The following RSU1 variants were observed in gnomAD, a reference collection of about 807,000 sequenced individuals.
RSU1 encodes Ras suppressor protein 1.
A neutral mutation model predicts 31.1 loss-of-function variants in RSU1; 26 were observed. The observed-to-expected ratio is 0.84, with a 90% confidence interval of 0.61 to 1.16. The LOEUF is 1.16. Among genes scored for constraint, RSU1 ranks in the 50% most tolerant of loss-of-function variants. The pLI is 0.00. For synonymous variants in RSU1, 164 were observed against 136.3 expected, an observed-to-expected ratio of 1.20 and a Z score of -1.41; for missense variants, 320 against 339.1, an observed-to-expected ratio of 0.94 and a Z score of 0.44.
intron 3 of RSU1, among the ~76,000 whole-genome samples, chr10:16,768,796 T>C (rs1837369549): frequency 1.3e-5 from 2 of 152,046 alleles, no homozygotes; most frequent in African/African-American, 4.8e-5. Context: ...AGCACTCCCA[T>C]CTCCCCCAGC....
chr10:16,671,368 G>A (rs1835101966), intron 8 of RSU1, among the ~76,000 whole-genome samples: 1 of 152,124 alleles, frequency 6.6e-6, no homozygotes, highest in Non-Finnish European at 1.5e-5. Context: ...TTTCTGGATT[G>A]TTAAGATGTT....
At chr10:16,720,600 T>C (rs1202611843) in intron 7 of RSU1, among the ~76,000 whole-genome samples, 1 of 152,252 alleles carries the variant, frequency 6.6e-6, no homozygotes, top group Non-Finnish European at 1.5e-5. Context: ...GTTTCTCATA[T>C]AAATAAGTAT....
chr10:16,802,605 G>C (rs984071896), intron 2 of RSU1, among the ~76,000 whole-genome samples: 3 of 152,058 alleles, frequency 2.0e-5, no homozygotes, highest in African/African-American at 7.2e-5. Context: ...AGAAACTACA[G>C]ACCAATCTCT....
At chr10:16,750,634 T>C in intron 7 of RSU1, among the ~76,000 whole-genome samples, 1 of 152,108 alleles carries the variant, frequency 6.6e-6, no homozygotes, top group Non-Finnish European at 1.5e-5. Context: ...TAAGATCAAA[T>C]GACATCAAAA....
chr10:16,594,134 G>A (rs576236472), intron 8 of RSU1, among the ~76,000 whole-genome samples: 1 of 152,330 alleles, frequency 6.6e-6, no homozygotes, highest in Admixed American at 6.5e-5. Context: ...GAGTAATTCT[G>A]ATTAAACCAA....
chr10:16,739,195 AGAAT>A (rs1836700275), intron 7 of RSU1, among the ~76,000 whole-genome samples: 1 of 152,198 alleles, frequency 6.6e-6, no homozygotes. Flanking sequence ...TCTTCATAGT[AGAAT>A]GAATTATAAT....
intron 7 of RSU1, among the ~76,000 whole-genome samples, chr10:16,697,975 G>T (rs1429243398): frequency 7.1e-6 from 1 of 141,156 alleles, no homozygotes; most frequent in Non-Finnish European, 1.5e-5. Flanking sequence ...AGGGGTGATT[G>T]CAGGAACACA....
chr10:16,811,563 C>T (rs1413499510), intron 2 of RSU1, among the ~76,000 whole-genome samples: 1 of 152,208 alleles, frequency 6.6e-6, no homozygotes, highest in African/African-American at 2.4e-5. Flanking sequence ...ACCAGGGCCA[C>T]TAGAGCCAGA....
chr10:16,816,651 AC>A (rs1838538831), intron 2 of RSU1, among the ~76,000 whole-genome samples: 1 of 152,230 alleles, frequency 6.6e-6, no homozygotes, highest in Non-Finnish European at 1.5e-5. Context: ...AGGAAGAAGG[AC>A]TCAAAATTAA....
chr10:16,741,425 C>A (rs190627126), intron 7 of RSU1, among the ~76,000 whole-genome samples: 115 of 152,220 alleles, frequency 7.6e-4, no homozygotes, highest in African/African-American at 2.6e-3. Flanking sequence ...TTTGAGGTAA[C>A]AAACGATGTT....
chr10:16,786,010 T>A (rs182828917), intron 2 of RSU1, among the ~76,000 whole-genome samples: 3 of 152,262 alleles, frequency 2.0e-5, no homozygotes, highest in Admixed American at 6.5e-5. Context: ...TGGAGACATT[T>A]TGGATTGTAA....
intron 2 of RSU1, among the ~76,000 whole-genome samples, chr10:16,797,943 C>T (rs2131667977): frequency 6.9e-6 from 1 of 144,806 alleles, no homozygotes; most frequent in Admixed American, 7.3e-5. Context: ...CTCACTGTAA[C>T]CTCCGCCTCT....
At chr10:16,759,702 A>C (rs1564347255) in intron 4 of RSU1, among the ~76,000 whole-genome samples, 1 of 152,184 alleles carries the variant, frequency 6.6e-6, no homozygotes, top group Non-Finnish European at 1.5e-5. Context: ...AAGCCACATC[A>C]ACCTATGTGG....
chr10:16,760,433 C>G (rs1837184852), intron 4 of RSU1, among the ~76,000 whole-genome samples: 1 of 150,504 alleles, frequency 6.6e-6, no homozygotes, highest in Non-Finnish European at 1.5e-5. Flanking sequence ...CGTTTGAACC[C>G]AGGAGGTGGA....
intron 7 of RSU1, among the ~76,000 whole-genome samples, chr10:16,746,664 AC>A (rs1326853853): frequency 2.2e-4 from 16 of 73,688 alleles, no homozygotes; most frequent in Non-Finnish European, 4.1e-4. Flanking sequence ...CTCCCAAATC[AC>A]TTTTTTTTTT....
intron 2 of RSU1, among the ~76,000 whole-genome samples, chr10:16,798,522 C>A (rs1192467080): frequency 6.6e-6 from 1 of 152,146 alleles, no homozygotes; most frequent in Non-Finnish European, 1.5e-5. Context: ...CTTCGCTCAG[C>A]ACTTCTCCAT....
chr10:16,604,127 G>T (rs774071185), intron 8 of RSU1, among the ~76,000 whole-genome samples: 1 of 152,190 alleles, frequency 6.6e-6, no homozygotes, highest in African/African-American at 2.4e-5. Context: ...ACTAGCTGGG[G>T]ATGACTCTGG....
chr10:16,746,662 T>A (rs1836861488), intron 7 of RSU1, among the ~76,000 whole-genome samples: 1 of 115,430 alleles, frequency 8.7e-6, no homozygotes, highest in African/African-American at 3.4e-5. Flanking sequence ...AGCTCCCAAA[T>A]CACTTTTTTT....
chr10:16,666,606 A>G (rs180920007), intron 8 of RSU1, among the ~76,000 whole-genome samples: 203 of 152,248 alleles, frequency 1.3e-3, no homozygotes, highest in African/African-American at 4.7e-3. Context: ...AACTATTATA[A>G]CAAGTTTGTG....
Sources: gnomAD v4.1 joint callset for allele counts (sites outside exome capture counted in the v4.1 genomes callset) on GRCh38, gnomAD v4.1.1 for gene constraint, MANE v1.5 for transcripts, NCBI Gene and HGNC (gene_info 2026-07-23, HGNC 2026-07-21) for gene names.